The following SDC4 variants were observed in gnomAD, a reference collection of about 807,000 sequenced individuals.
The protein encoded by SDC4 is syndecan 4, also known as syndecan-4.
Under a neutral mutation model 20.5 loss-of-function variants are expected in SDC4, and 17 were observed. The ratio of observed to expected loss-of-function variants is 0.83; its 90% CI spans 0.57 to 1.25. The LOEUF is 1.25. Ranked by LOEUF, SDC4 falls within the 50% of genes most tolerant of loss-of-function variation. SDC4 has a pLI of 0.00. For synonymous variants in SDC4, 107 were observed against 105.3 expected, an observed-to-expected ratio of 1.02 and a Z score of -0.10; for missense variants, 241 against 252.3, an observed-to-expected ratio of 0.96 and a Z score of 0.30.
At chr20:45,334,381 G>A (rs995866084) in intron 2 of SDC4, among the ~76,000 whole-genome samples, 4 of 152,074 alleles carry the variant, frequency 2.6e-5, no homozygotes, top group African/African-American at 9.7e-5. Flanking sequence ...TTTCCTGGGC[G>A]ACTATGTGAG....
At chr20:45,334,000 CTT>C (rs35204147) in intron 2 of SDC4, among the ~76,000 whole-genome samples, 2,351 of 146,364 alleles carry the variant, frequency 0.016, 71 homozygotes, top group African/African-American at 0.056. Context: ...TCAAAATCTA[CTT>C]TTTTTTTTTT....
intron 2 of SDC4, among the ~76,000 whole-genome samples, chr20:45,334,419 G>A (rs1987830223): frequency 6.6e-6 from 1 of 152,156 alleles, no homozygotes; most frequent in Admixed American, 6.5e-5. Flanking sequence ...TAACTCCACT[G>A]TAGTAACATT....
In SDC4 at chr20:45,327,138, G is replaced by T; in HGVS notation, c.*126C>A. 1.0e-6 allele frequency: 1 copy of T among 965,318 alleles called. No homozygotes were observed. The highest frequency in any genetic ancestry group is 2.2e-5 in the Admixed American group (1 of 45,682). 59.8% of individuals were successfully genotyped at this position (965,318 alleles called of 1,614,324 possible). On this transcript the variant is annotated 3_prime_UTR_variant, in exon 5 of 5. Transcript: ENST00000372733. ...AATGTCTCTTCTGAACACTTCAAAG[G>T]TAATCAGAGCTGGAGATACTGACAA...
intron 2 of SDC4, 148 bp downstream of exon 2, chr20:45,335,634 T>G (rs113202023): frequency 1.2e-5 from 10 of 800,886 alleles, no homozygotes; most frequent in African/African-American, 1.2e-4. Flanking sequence ...CCATTACTTT[T>G]GTTTCCCCTT....
intron 2 of SDC4, among the ~76,000 whole-genome samples, chr20:45,333,964 A>T (rs1987821379): frequency 6.9e-6 from 1 of 145,418 alleles, no homozygotes; most frequent in South Asian, 2.2e-4. Context: ...AAGAAGAAGA[A>T]ATGTAGAATT....
chr20:45,334,189 T>C (rs1004542807), intron 2 of SDC4, among the ~76,000 whole-genome samples: 1 of 151,976 alleles, frequency 6.6e-6, no homozygotes, highest in African/African-American at 2.4e-5. Flanking sequence ...GAGACGGGGT[T>C]TCACCATGTT....
At chr20:45,340,382 C>A (rs1207006885) in intron 1 of SDC4, among the ~76,000 whole-genome samples, 3 of 152,198 alleles carry the variant, frequency 2.0e-5, no homozygotes, top group Non-Finnish European at 2.9e-5. Flanking sequence ...CAACGTCATG[C>A]AACTAGAAAG....
At chr20:45,334,642 C>G (rs1987833751) in intron 2 of SDC4, among the ~76,000 whole-genome samples, 1 of 151,968 alleles carries the variant, frequency 6.6e-6, no homozygotes. Context: ...GCACTCGACA[C>G]CACACCTGGC....
intron 3 of SDC4, among the ~76,000 whole-genome samples, chr20:45,331,757 T>A (rs754274458): frequency 1.3e-5 from 2 of 152,338 alleles, no homozygotes; most frequent in Admixed American, 1.3e-4. Context: ...GAAGTTACTC[T>A]ATATGGTCTA....
At chr20:45,335,569 T>A (rs1987849391) in intron 2 of SDC4, among the ~76,000 whole-genome samples, 2 of 150,400 alleles carry the variant, frequency 1.3e-5, no homozygotes, top group South Asian at 4.2e-4. Flanking sequence ...TACCAATGAC[T>A]TCAAAGCAGC....
rs570826375 is a variant in SDC4, at chr20:45,337,833, C to G, written c.61-1913G>C. 2.6e-4 allele frequency among the ~76,000 whole-genome samples: 40 copies of G among 152,348 alleles called. No homozygotes were observed. In the South Asian group the frequency reaches 8.3e-3, roughly 32 times the overall value. ...AGGAAGGCAGTGGCCAGGAATCACT[C>G]TCTCCCGGGGAGTGGGGAGAATGCT... On this transcript the variant is annotated intron_variant, in intron 1 of 4. Coordinates refer to ENST00000372733, the MANE Select transcript of SDC4 (RefSeq NM_002999.4).
At chr20:45,333,676 T>A (rs1987815629) in intron 2 of SDC4, among the ~76,000 whole-genome samples, 1 of 152,076 alleles carries the variant, frequency 6.6e-6, no homozygotes, top group Non-Finnish European at 1.5e-5. Flanking sequence ...CTCAAAAAAA[T>A]AAATAAATAA....
Position 45,343,720 on chromosome 20 carries a change from A to T in SDC4, c.60+4605T>A, listed in dbSNP as rs1479225278. Among the ~76,000 whole-genome samples, 3 of 152,118 alleles carry T rather than the reference A, an allele frequency of 2.0e-5. No individual in the cohort carries two copies. The East Asian group carries it at 5.8e-4, about 29-fold the overall frequency. On this transcript the variant is annotated intron_variant, in intron 1 of 4. Transcript: ENST00000372733. The stretch of plus-strand genomic sequence containing the variant: ...GGGGATGGAGAAAGCTTTCCAGGAG[A>T]CCTGGGCTCAGAATCTTCAGAGATA...
intron 1 of SDC4, 98 bp from the exon 2 acceptor site, chr20:45,336,018 G>A (rs1361155422): frequency 2.2e-6 from 3 of 1,389,846 alleles, no homozygotes; most frequent in African/African-American, 2.8e-5. Flanking sequence ...AAACTAGAAA[G>A]AGACCAGGCC....
chr20:45,348,339 C>G lies in SDC4; in HGVS notation c.46G>C (p.Gly16Arg). The change falls in exon 1 of 5, where the codon GGA (glycine) becomes CGA (arginine). Residue 16 changes from glycine (G) to arginine (R), a missense_variant. By Grantham distance (125) the Gly-to-Arg change is moderately radical (BLOSUM62 -2). Transcript: ENST00000372733. ...CAAGCACCCACCGACTCGGCGACTC[C>G]GCCTACGAAGAACAGCAGCAGCGCG... ...LFALLLFFVGGVAESIRETEV... is the reference protein window; with the variant it reads ...LFALLLFFVGRVAESIRETEV... 6.3e-7 allele frequency: 1 copy of G among 1,590,844 alleles called. No homozygotes were observed. Among genetic ancestry groups the G allele is most frequent in the African/African-American group, 1.3e-5 (1 of 74,552 alleles).
chr20:45,335,306 T>C (rs1987844833), intron 2 of SDC4, among the ~76,000 whole-genome samples: 1 of 152,118 alleles, frequency 6.6e-6, no homozygotes, highest in Non-Finnish European at 1.5e-5. Flanking sequence ...GCCTCCCAAG[T>C]AGCTGGGACT....
At chr20:45,344,807 C>T (rs8115680) in intron 1 of SDC4, among the ~76,000 whole-genome samples, 13,210 of 152,178 alleles carry the variant, frequency 0.087, 1,237 homozygotes, top group African/African-American at 0.24. Flanking sequence ...GGCAATGGTC[C>T]AGCCTCCTTA....
intron 1 of SDC4, among the ~76,000 whole-genome samples, chr20:45,343,977 A>T (rs541525101): frequency 3.9e-5 from 6 of 152,304 alleles, no homozygotes; most frequent in African/African-American, 1.2e-4. Flanking sequence ...GCACGTCTGG[A>T]GTTAAGTCTG....
chr20:45,337,331 C>T (rs919433946), intron 1 of SDC4, among the ~76,000 whole-genome samples: 1 of 152,166 alleles, frequency 6.6e-6, no homozygotes, highest in African/African-American at 2.4e-5. Context: ...GTTCAATACA[C>T]CATGCCCCTC....
Sources: allele counts gnomAD v4.1 joint callset (sites outside exome capture counted in the v4.1 genomes callset), GRCh38; gene constraint gnomAD v4.1.1; transcripts MANE v1.5; gene names NCBI Gene and HGNC (gene_info 2026-07-23, HGNC 2026-07-21).